Variants in ANK2 observed in about 807,000 individuals in gnomAD.
The protein encoded by ANK2 is ankyrin-2.
In ANK2, 83 loss-of-function variants were observed where a neutral mutation model predicts 360.5. That is an observed-to-expected ratio of 0.23 (90% confidence interval 0.19 to 0.28). ANK2 has a LOEUF of 0.28. ANK2 is among the 10% of genes least tolerant of loss of function. The pLI, the probability that ANK2 is intolerant of heterozygous loss-of-function variation, is 1.00. For missense variants in ANK2, 4,201 were observed against 4,795.7 expected (o/e 0.88, Z 3.66); for synonymous variants, 1,740 against 1,759.5 (o/e 0.99, Z 0.28).
chr4:112,725,618 C>T, the ANK2 span, among the ~76,000 whole-genome samples: 2 of 151,994 alleles, frequency 1.3e-5, no homozygotes, highest in African/African-American at 4.8e-5. Flanking sequence ...CCTCAGCCTC[C>T]CAAAGTGCTG....
chr4:113,242,200 C>A lies in ANK2; in HGVS notation c.882C>A (p.Ala294=). Residue 294 remains alanine, a synonymous_variant, in exon 9 of 46, where the codon GCC becomes GCA. Transcript: ENST00000357077. ...TGGATCGAGGCGGTCAGATCGATGC[C>A]AAAACTAGGGTGAGTGTCTCTGTTC... ...LLLDRGGQID[A]KTRDGLTPLH... 1 of 1,613,170 alleles carries A rather than the reference C, an allele frequency of 6.2e-7. No individual in the cohort carries two copies. Among genetic ancestry groups the A allele is most frequent in the Non-Finnish European group, 8.5e-7 (1 of 1,179,196 alleles).
chr4:113,165,419 A>T (rs2097716960), intron 1 of ANK2, among the ~76,000 whole-genome samples: 1 of 152,166 alleles, frequency 6.6e-6, no homozygotes, highest in Admixed American at 6.6e-5. Context: ...TGGTTATTAA[A>T]AATATTAGGG....
chr4:113,177,237 C>T (rs1342882688), intron 2 of ANK2, among the ~76,000 whole-genome samples: 2 of 152,088 alleles, frequency 1.3e-5, no homozygotes, highest in Non-Finnish European at 2.9e-5. Flanking sequence ...CCCGCCACCA[C>T]GCCCGGCTAA....
At position 113,348,264 on chromosome 4, in the gene ANK2, TG is replaced by T; in HGVS notation, c.4372-8del. 6.2e-7 allele frequency: 1 copy of T among 1,613,250 alleles called. No individual in the cohort carries two copies. Among genetic ancestry groups the T allele is most frequent in the Non-Finnish European group, 8.5e-7 (1 of 1,179,402 alleles). On this transcript the variant is annotated splice_polypyrimidine_tract_variant and intron_variant, in intron 35 of 45. Transcript: ENST00000357077. ...CTTTTTTCCATCTTGCATGGCATCT[TG>T]GGGCGGAAAGGAATCAGAGTCAGAT... is the stretch of plus-strand genomic sequence containing the variant.
chr4:113,283,729 G>C (rs1356051119), intron 18 of ANK2, among the ~76,000 whole-genome samples: 1 of 152,120 alleles, frequency 6.6e-6, no homozygotes, highest in Non-Finnish European at 1.5e-5. Context: ...ATTGGAAACT[G>C]TATTTATTAA....
intron 2 of ANK2, among the ~76,000 whole-genome samples, chr4:112,977,570 ATT>A (rs796866393): frequency 6.8e-6 from 1 of 147,716 alleles, no homozygotes; most frequent in Admixed American, 6.8e-5. Context: ...TTTTTATTTT[ATT>A]TTTTTTTTTT....
At chr4:112,815,130 C>T (rs2055545653), upstream of ANK2, among the ~76,000 whole-genome samples, 1 of 152,018 alleles carries the variant, frequency 6.6e-6, no homozygotes, top group South Asian at 2.1e-4. Flanking sequence ...ATCCGCCCAC[C>T]TCGGCCTCCC....
intron 27 of ANK2, among the ~76,000 whole-genome samples, 174 bp downstream of exon 27, chr4:113,330,644 C>T (rs1011381269): frequency 6.6e-6 from 1 of 152,170 alleles, no homozygotes; most frequent in African/African-American, 2.4e-5. Context: ...ACTTACACGC[C>T]TCTTATTTTA....
At chr4:113,206,985 C>T (rs928096333) in intron 4 of ANK2, among the ~76,000 whole-genome samples, 1 of 152,114 alleles carries the variant, frequency 6.6e-6, no homozygotes, top group African/African-American at 2.4e-5. Context: ...GATCGCTGCA[C>T]TGCACCCCAG....
intron 23 of ANK2, among the ~76,000 whole-genome samples, chr4:113,309,282 T>G (rs1482501326): frequency 1.3e-5 from 2 of 152,296 alleles, no homozygotes; most frequent in Admixed American, 6.5e-5. Flanking sequence ...CTTTGCTTCT[T>G]TGGGTCATTT....
chr4:112,713,279 G>C, the ANK2 span, among the ~76,000 whole-genome samples: 1 of 152,070 alleles, frequency 6.6e-6, no homozygotes, highest in African/African-American at 2.4e-5. Context: ...CATTTGGGTT[G>C]TTTCCAGGTT....
intron 2 of ANK2, among the ~76,000 whole-genome samples, chr4:112,954,410 G>A (rs2095234817): frequency 6.6e-6 from 1 of 152,130 alleles, no homozygotes; most frequent in South Asian, 2.1e-4. Flanking sequence ...ACTGTTTGTG[G>A]AAACAATGAG....
At chr4:113,332,391 CA>C (rs1485457834) in intron 28 of ANK2, among the ~76,000 whole-genome samples, 2 of 152,004 alleles carry the variant, frequency 1.3e-5, no homozygotes, top group Non-Finnish European at 2.9e-5. Context: ...AACCTGGACC[CA>C]AAAATCAAAA....
chr4:112,765,023 A>C, the ANK2 span, among the ~76,000 whole-genome samples: 3 of 152,184 alleles, frequency 2.0e-5, no homozygotes, highest in Non-Finnish European at 2.9e-5. Flanking sequence ...GTATTCTTTT[A>C]AGCACTTTAT....
intron 2 of ANK2, among the ~76,000 whole-genome samples, chr4:112,926,561 C>A (rs750401684): frequency 5.3e-5 from 8 of 152,146 alleles, no homozygotes; most frequent in Non-Finnish European, 8.8e-5. Flanking sequence ...GTCTAACAGA[C>A]CTCCAGGAAT....
the ANK2 span, among the ~76,000 whole-genome samples, chr4:112,775,515 T>TCTCACACACACA: frequency 8.5e-6 from 1 of 118,066 alleles, no homozygotes; most frequent in Admixed American, 8.9e-5. Flanking sequence ...CTAAGCTCCA[T>TCTCACACACACA]CACACACACA....
chr4:113,271,648 G>A (rs1420467846), intron 14 of ANK2, among the ~76,000 whole-genome samples: 3 of 152,178 alleles, frequency 2.0e-5, no homozygotes, highest in Non-Finnish European at 4.4e-5. Context: ...TCTCAATCAG[G>A]TTTAGAAATA....
chr4:113,240,353 G>GATCTTAA, intron 7 of ANK2, 132 bp from the exon 8 acceptor site: 1 of 708,122 alleles, frequency 1.4e-6, no homozygotes, highest in Non-Finnish European at 2.6e-6. Context: ...TAAGATTTAA[G>GATCTTAA]ATCTTACTAA....
intron 1 of ANK2, among the ~76,000 whole-genome samples, chr4:113,108,653 T>C (rs962213205): frequency 6.6e-6 from 1 of 152,268 alleles, no homozygotes; most frequent in East Asian, 1.9e-4. Flanking sequence ...TTCTACTCTG[T>C]TTTTCAAGAA....
Sources: gnomAD v4.1 joint callset for allele counts (sites outside exome capture counted in the v4.1 genomes callset) on GRCh38, gnomAD v4.1.1 for gene constraint, MANE v1.5 for transcripts, NCBI Gene and HGNC (gene_info 2026-07-23, HGNC 2026-07-21) for gene names.